USP21: variants seen among roughly 807,000 people sequenced by gnomAD.
USP21 encodes the protein ubiquitin specific peptidase 21.
A neutral mutation model predicts 70.8 loss-of-function variants in USP21; 37 were observed. The observed-to-expected ratio is 0.52, with a 90% confidence interval of 0.40 to 0.69. USP21 has a LOEUF of 0.69. Ranked by LOEUF, USP21 falls within the 30% of genes least tolerant of loss-of-function variation. The pLI is 0.00. For missense variants in USP21, 584 were observed against 740.8 expected, an observed-to-expected ratio of 0.79 and a Z score of 2.46; for synonymous variants, 263 against 283.1, an observed-to-expected ratio of 0.93 and a Z score of 0.71.
chr1:161,164,235 G>C lies in USP21; in HGVS notation c.1290G>C (p.Glu430Asp), dbSNP rs947661179. 14 of 1,614,118 alleles carry C rather than the reference G, an allele frequency of 8.7e-6. No homozygotes were observed. The African/African-American group carries it at 1.7e-4, about 20-fold the overall frequency. Residue 430 changes from glutamate to aspartate, a missense_variant, in exon 10 of 14, where the codon GAG (glutamate) becomes GAC (aspartate). By Grantham distance (45) the Glu-to-Asp change is conservative. Coordinates refer to ENST00000368002, the MANE Select transcript of USP21 (RefSeq NM_001014443.3). This position sits in a 1 kb window ranked among gnomAD's most constrained non-coding sequence, Gnocchi z 4.2. The part of the protein sequence containing the change: ...FNLFTKEEEL[E>D]SENAPVCDRC... The stretch of plus-strand genomic sequence containing the variant: ...TTTTCACTAAGGAAGAAGAGCTAGA[G>C]TCGGAGAATGCCCCAGTATGTGGAG...
Position 161,161,825 on chromosome 1 carries a change from C to G in USP21, c.601-213C>G, listed in dbSNP as rs1454933789. The stretch of plus-strand genomic sequence containing the variant: ...AGTAAGTGGGCAACAGGTGGGACAG[C>G]CATGGCTGAGTCCGTGGTACATTCA... On this transcript the variant is annotated intron_variant, in intron 3 of 13. Transcript: ENST00000368002. This position sits in a 1 kb window ranked among gnomAD's most constrained non-coding sequence, Gnocchi z 4.2. 8.4e-6 allele frequency: 5 copies of G among 596,710 alleles called. No homozygotes were observed. Among genetic ancestry groups the G allele is most frequent in the Non-Finnish European group, 1.2e-5 (4 of 331,506 alleles). 37.0% of individuals were successfully genotyped at this position (596,710 alleles called of 1,614,324 possible). A position where few individuals can be genotyped will look rare whatever the true frequency, so the allele number is the denominator to read the frequency against.
In USP21 at chr1:161,164,338, A is replaced by G. The variant is rs1658278434; in HGVS notation, c.1305+88A>G. On this transcript the variant is annotated intron_variant, in intron 10 of 13. Transcript: ENST00000368002. This position sits in a 1 kb window ranked among gnomAD's most constrained non-coding sequence, Gnocchi z 4.2. ...AAAAGGGATTGCATGATGTCTTCAT[A>G]TGGGGAATAATATTTATGTATCTGG... is the stretch of plus-strand genomic sequence containing the variant. The G allele has an allele frequency of 1.4e-6, 2 of 1,391,212 alleles. No homozygotes were observed. Among genetic ancestry groups the G allele is most frequent in the African/African-American group, 2.8e-5 (2 of 70,320 alleles). 86.2% of individuals were successfully genotyped at this position (1,391,212 alleles called of 1,614,324 possible). A position where few individuals can be genotyped will look rare whatever the true frequency, so the allele number is the denominator to read the frequency against.
At position 161,164,043 on chromosome 1, in the gene USP21, C is replaced by A; in HGVS notation, c.1218+62C>A. On this transcript the variant is annotated intron_variant, in intron 9 of 13. Coordinates refer to ENST00000368002, the MANE Select transcript of USP21 (RefSeq NM_001014443.3). The surrounding 1 kb of genome is among the most constrained non-coding windows in gnomAD (Gnocchi z 4.2). ...GGGCTCTGTGACCCAAGCCTACCCA[C>A]CCCCAGAGTGTGGGCGGGAACCCTG... 2.5e-6 allele frequency: 4 copies of A among 1,585,910 alleles called. No homozygotes were observed. The highest frequency in any genetic ancestry group is 2.2e-5 in the East Asian group (1 of 44,762).
chr1:161,161,470 C>T lies in USP21; in HGVS notation c.600+230C>T. On this transcript the variant is annotated intron_variant, in intron 3 of 13. Coordinates refer to ENST00000368002, the MANE Select transcript of USP21 (RefSeq NM_001014443.3). This position sits in a 1 kb window ranked among gnomAD's most constrained non-coding sequence, Gnocchi z 4.2. Reference sequence around the variant, plus strand: ...GCCATTTCGGTCCCCAGGGGATTACCCCAACTATTTAGAATTCTTCTTTGG... The same window carrying T: ...GCCATTTCGGTCCCCAGGGGATTACTCCAACTATTTAGAATTCTTCTTTGG... The T allele has an allele frequency of 1.9e-6, 1 of 537,196 alleles. No individual in the cohort carries two copies. Among genetic ancestry groups the T allele is most frequent in the South Asian group, 2.7e-5 (1 of 36,896 alleles). The allele number at this position is 537,196 out of a possible 1,614,324, so 33.3% of individuals were successfully genotyped here. A position where few individuals can be genotyped will look rare whatever the true frequency, so the allele number is the denominator to read the frequency against.
Position 161,162,515 on chromosome 1 carries a change from C to A in USP21, c.782-100C>A. 6.5e-7 allele frequency: 1 copy of A among 1,529,030 alleles called. No homozygotes were observed. Among genetic ancestry groups the A allele is most frequent in the Non-Finnish European group, 9.0e-7 (1 of 1,110,192 alleles). 94.7% of individuals were successfully genotyped at this position (1,529,030 alleles called of 1,614,324 possible). Reference sequence around the variant, plus strand: ...GCAGTTGTATCTACTTTTCCCAGTGCCTACTTTCCTAAAGGTTATTTTCTA... The same window carrying A: ...GCAGTTGTATCTACTTTTCCCAGTGACTACTTTCCTAAAGGTTATTTTCTA... On this transcript the variant is annotated intron_variant, in intron 5 of 13. Coordinates refer to ENST00000368002, the MANE Select transcript of USP21 (RefSeq NM_001014443.3). This position sits in a 1 kb window ranked among gnomAD's most constrained non-coding sequence, Gnocchi z 4.1.
chr1:161,164,343 G>T lies in USP21; in HGVS notation c.1305+93G>T. 1 of 1,390,954 alleles carries T rather than the reference G, an allele frequency of 7.2e-7. No individual in the cohort carries two copies. The highest frequency in any genetic ancestry group is 1.0e-6 in the Non-Finnish European group (1 of 981,268). 86.2% of individuals were successfully genotyped at this position (1,390,954 alleles called of 1,614,324 possible). On this transcript the variant is annotated intron_variant, in intron 10 of 13. Transcript: ENST00000368002. This position sits in a 1 kb window ranked among gnomAD's most constrained non-coding sequence, Gnocchi z 4.2. The stretch of plus-strand genomic sequence containing the variant: ...GGATTGCATGATGTCTTCATATGGG[G>T]AATAATATTTATGTATCTGGGTTTG...
Position 161,162,919 on chromosome 1 carries a change from C to T in USP21, c.894C>T (p.Ser298=). 6.2e-7 allele frequency: 1 copy of T among 1,607,828 alleles called. No individual in the cohort carries two copies. The highest frequency in any genetic ancestry group is 8.5e-7 in the Non-Finnish European group (1 of 1,176,604). ...GCCCATACTCTTTGTCTGGCTGTAGCCAGCAGGATGCCCAAGAGTTCCTGA... is the reference window on the plus strand; with the variant it reads ...GCCCATACTCTTTGTCTGGCTGTAGTCAGCAGGATGCCCAAGAGTTCCTGA... The part of the protein sequence containing the change: ...QKYVPSFSGY[S]QQDAQEFLKL... Residue 298 remains serine (S), a splice_region_variant and synonymous_variant, in exon 7 of 14, where the codon AGC becomes AGT. Transcript: ENST00000368002. This position sits in a 1 kb window ranked among gnomAD's most constrained non-coding sequence, Gnocchi z 4.1.
At position 161,163,614 on chromosome 1, in the gene USP21, T is replaced by C; in HGVS notation, c.1109T>C (p.Ile370Thr). Residue 370 changes from isoleucine to threonine, a missense_variant, in exon 8 of 14, where the codon ATT becomes ACT. Physicochemically the swap from Ile to Thr is moderately conservative, Grantham distance 89. Transcript: ENST00000368002. ...KRYLEREDSKIVDLFVGQLKS... is the reference protein window; with the variant it reads ...KRYLEREDSKTVDLFVGQLKS... Reference sequence around the variant, plus strand: ...TACCTGGAGCGAGAGGACAGCAAGATTGTGGGTATGGAATGGGGCAAAGCA... The same window carrying C: ...TACCTGGAGCGAGAGGACAGCAAGACTGTGGGTATGGAATGGGGCAAAGCA... 6.3e-7 allele frequency: 1 copy of C among 1,575,342 alleles called. No individual in the cohort carries two copies. Among genetic ancestry groups the C allele is most frequent in the Non-Finnish European group, 8.6e-7 (1 of 1,158,084 alleles).
At position 161,162,832 on chromosome 1, in the gene USP21, A is replaced by G. The variant is rs1658041331; in HGVS notation, c.894-87A>G. The G allele has an allele frequency of 1.3e-6, 2 of 1,585,618 alleles. No homozygotes were observed. Among genetic ancestry groups the G allele is most frequent in the East Asian group, 4.5e-5 (2 of 44,586 alleles). ...CTGAGCCTTGAGATGTTCTTCATCC[A>G]GGAAGTGGGGACCAATATCTGGGCA... On this transcript the variant is annotated intron_variant, in intron 6 of 13. Transcript: ENST00000368002. The surrounding 1 kb of genome is among the most constrained non-coding windows in gnomAD (Gnocchi z 4.1).
rs748273705 is a variant in USP21, at chr1:161,161,174, T to C, written c.534T>C (p.Ala178=). 28 of 1,613,736 alleles carry C rather than the reference T, an allele frequency of 1.7e-5. No individual in the cohort carries two copies. Among genetic ancestry groups the C allele is most frequent in the Non-Finnish European group, 2.4e-5 (28 of 1,179,728 alleles). ...TLFSIRTEPP[A]SHGSFHMISA... is the part of the protein sequence containing the mutation. ...TCAGCATACGGACAGAGCCCCCTGC[T>C]TCCCATGGCTCCTTCCACATGATAT... Residue 178 remains alanine, a synonymous_variant, in exon 3 of 14, where the codon GCT becomes GCC. Coordinates refer to ENST00000368002, the MANE Select transcript of USP21 (RefSeq NM_001014443.3). This position sits in a 1 kb window ranked among gnomAD's most constrained non-coding sequence, Gnocchi z 4.2.
rs776393913 is a variant in USP21 at position 161,162,261 on chromosome 1, G to T, written c.661-9G>T. On this transcript the variant is annotated splice_polypyrimidine_tract_variant and intron_variant, in intron 4 of 13. Transcript: ENST00000368002. This position sits in a 1 kb window ranked among gnomAD's most constrained non-coding sequence, Gnocchi z 4.1. Reference sequence around the variant, plus strand: ...GAGAGATAACAGCAGTGTCCCTACTGCTCCCCAGTGCTTCCTGAATGCTGT... The same window carrying T: ...GAGAGATAACAGCAGTGTCCCTACTTCTCCCCAGTGCTTCCTGAATGCTGT... 2 of 1,606,466 alleles carry T rather than the reference G, an allele frequency of 1.2e-6. No individual in the cohort carries two copies. The highest frequency in any genetic ancestry group is 2.2e-5 in the South Asian group (2 of 90,342).
Position 161,162,424 on chromosome 1 carries a change from T to G in USP21, c.781+34T>G. On this transcript the variant is annotated intron_variant, in intron 5 of 13. Coordinates refer to ENST00000368002, the MANE Select transcript of USP21 (RefSeq NM_001014443.3). This position sits in a 1 kb window ranked among gnomAD's most constrained non-coding sequence, Gnocchi z 4.1. The stretch of plus-strand genomic sequence containing the variant: ...ACAACTCCTGCTCCCTCTGTTCAAG[T>G]CCCTTTTTCCCCAACCACTTGCAGG... The G allele has an allele frequency of 1.9e-6, 3 of 1,572,534 alleles. No homozygotes were observed. The highest frequency in any genetic ancestry group is 2.6e-6 in the Non-Finnish European group (3 of 1,157,592).
intron 8 of USP21, 25 bp from the exon 9 acceptor site, chr1:161,163,853 C>G: frequency 6.3e-7 from 1 of 1,598,638 alleles, no homozygotes; most frequent in African/African-American, 1.3e-5. Context: ...ATGACCTTTT[C>G]TCCTGTCCCT....
At position 161,164,828 on chromosome 1, in the gene USP21, G is replaced by T; in HGVS notation, c.1385-7G>T. ...TGCCTCCCAAATGCTCCTTAACCAG[G>T]GCTTAGATCTGAATCGATTTTCTGC... On this transcript the variant is annotated splice_polypyrimidine_tract_variant and splice_region_variant and intron_variant, in intron 11 of 13. Coordinates refer to ENST00000368002, the MANE Select transcript of USP21 (RefSeq NM_001014443.3). This position sits in a 1 kb window ranked among gnomAD's most constrained non-coding sequence, Gnocchi z 4.2. 6.2e-7 allele frequency: 1 copy of T among 1,612,642 alleles called. No individual in the cohort carries two copies. Among genetic ancestry groups the T allele is most frequent in the Non-Finnish European group, 8.5e-7 (1 of 1,179,326 alleles).
chr1:161,163,498 G>T, intron 7 of USP21, 57 bp from the exon 8 acceptor site: 1 of 1,533,244 alleles, frequency 6.5e-7, no homozygotes, highest in South Asian at 1.1e-5. Flanking sequence ...GGTGTTGGGG[G>T]TGCCCAGTGT....
chr1:161,161,207 G>T lies in USP21; in HGVS notation c.567G>T (p.Arg189=), dbSNP rs1657904608. The change falls in exon 3 of 14, where the codon CGG becomes CGT. Residue 189 remains arginine (R), a synonymous_variant. Transcript: ENST00000368002. The surrounding 1 kb of genome is among the most constrained non-coding windows in gnomAD (Gnocchi z 4.2). ...GCTCCTTCCACATGATATCCGCCCG[G>T]TCCTCTGAGCCTTTCTACTCTGATG... ...SHGSFHMISA[R]SSEPFYSDDK... is the part of the protein sequence containing the mutation. 1 of 1,610,398 alleles carries T rather than the reference G, an allele frequency of 6.2e-7. No individual in the cohort carries two copies. Among genetic ancestry groups the T allele is most frequent in the East Asian group, 2.2e-5 (1 of 44,816 alleles).
intron 8 of USP21, 94 bp from the exon 9 acceptor site, chr1:161,163,784 G>A: frequency 1.4e-6 from 2 of 1,383,474 alleles, no homozygotes; most frequent in Non-Finnish European, 2.1e-6. Context: ...GAAAGGAAGG[G>A]TCAAGCAAAG....
Position 161,165,631 on chromosome 1 carries a change from C to T in USP21, c.*184C>T, listed in dbSNP as rs3402. ...ACCTGGAGGCTCCCTTGTCTCCCAG[C>T]CCCATGTACAAAGCTCACCAAGCCC... On this transcript the variant is annotated 3_prime_UTR_variant, in exon 14 of 14. Coordinates refer to ENST00000368002, the MANE Select transcript of USP21 (RefSeq NM_001014443.3). 40,656 of 576,508 alleles carry T rather than the reference C, an allele frequency of 0.071. 1,885 individuals are homozygous for T. Among genetic ancestry groups the T allele is most frequent in the Non-Finnish European group, 0.094 (30,282 of 322,978 alleles). The allele number at this position is 576,508 out of a possible 1,614,324, so 35.7% of individuals were successfully genotyped here.
intron 8 of USP21, 57 bp from the exon 9 acceptor site, chr1:161,163,821 A>T: frequency 2.1e-6 from 3 of 1,406,980 alleles, no homozygotes; most frequent in South Asian, 1.2e-5. Flanking sequence ...AAATCCAAGA[A>T]ATCATCTCAT....
Sources: gnomAD v4.1 joint callset for allele counts on GRCh38, gnomAD v4.1.1 for gene constraint, Gnocchi (gnomAD v3.1) non-coding constraint, MANE v1.5 for transcripts, NCBI Gene and HGNC (gene_info 2026-07-23, HGNC 2026-07-21) for gene names.